Variants in RTN4 observed in about 807,000 individuals in gnomAD.
RTN4 encodes reticulon 4, also known as reticulon-4.
Under a neutral mutation model 90.4 loss-of-function variants are expected in RTN4, and 32 were observed. The observed-to-expected ratio is 0.35, with a 90% CI of 0.27 to 0.48. The LOEUF is 0.48. Ranked by LOEUF, RTN4 falls within the 20% of genes least tolerant of loss-of-function variation. RTN4 has a pLI of 0.99. For missense variants in RTN4, 1,706 were observed against 1,430.2 expected (o/e 1.19, Z -3.11); for synonymous variants, 629 against 552.5 (o/e 1.14, Z -1.94).
chr2:55,028,947 C>T (rs1043313422), intron 1 of RTN4, among the ~76,000 whole-genome samples: 1 of 152,152 alleles, frequency 6.6e-6, no homozygotes, highest in Non-Finnish European at 1.5e-5. Context: ...CTGTATGTTA[C>T]AGAACTGAAT....
intron 5 of RTN4, among the ~76,000 whole-genome samples, chr2:54,977,837 G>A (rs145340816): frequency 1.5e-4 from 23 of 152,194 alleles, no homozygotes; most frequent in African/African-American, 4.1e-4. Flanking sequence ...CAAAACAAAC[G>A]GAATATTACA....
chr2:55,024,247 C>G (rs1329590166), intron 3 of RTN4, among the ~76,000 whole-genome samples: 1 of 152,106 alleles, frequency 6.6e-6, no homozygotes, highest in Non-Finnish European at 1.5e-5. Context: ...CGTCAAACAC[C>G]AAGTCCTATG....
intron 3 of RTN4, among the ~76,000 whole-genome samples, chr2:54,993,819 G>A (rs1679212057): frequency 6.6e-6 from 1 of 152,116 alleles, no homozygotes; most frequent in South Asian, 2.1e-4. Flanking sequence ...TCACACATAA[G>A]ATAATATGAA....
intron 1 of RTN4, among the ~76,000 whole-genome samples, chr2:55,048,916 C>G (rs549269912): frequency 1.3e-5 from 2 of 152,196 alleles, no homozygotes. Context: ...GAGGCTGGGC[C>G]AAGTCCACAC....
upstream of RTN4, among the ~76,000 whole-genome samples, chr2:55,051,417 G>T (rs1237787949): frequency 6.6e-6 from 1 of 152,222 alleles, no homozygotes; most frequent in Non-Finnish European, 1.5e-5. Flanking sequence ...GAGTCAGGAA[G>T]CCCCATAGTC....
At chr2:55,130,567 A>G in the RTN4 span, among the ~76,000 whole-genome samples, 1 of 152,206 alleles carries the variant, frequency 6.6e-6, no homozygotes, top group Admixed American at 6.5e-5. Flanking sequence ...CCGGAACAAC[A>G]AAAAATACAA....
rs186302083 is a variant in RTN4, at chr2:55,107,908, C to T, written c.-214+4612G>A. ...TACAACCTCATCATGCCTTTAGCTA[C>T]ATAGAGACTGGACTTTAAAACACAC... is the stretch of plus-strand genomic sequence containing the variant. On this transcript the variant is annotated intron_variant, in intron 1 of 3. Transcript: ENST00000427710. Among the ~76,000 whole-genome samples the T allele has an allele frequency of 3.0e-3, 455 of 151,952 alleles. 7 individuals carry two copies. Among genetic ancestry groups the T allele is most frequent in the African/African-American group, 0.011 (435 of 41,412 alleles).
intron 3 of RTN4, among the ~76,000 whole-genome samples, chr2:55,021,266 TAA>T (rs1681410263): frequency 6.6e-6 from 1 of 152,118 alleles, no homozygotes; most frequent in South Asian, 2.1e-4. Flanking sequence ...GATACACAGG[TAA>T]GTACCTATCC....
chr2:55,107,027 G>A (rs1368896358), intron 1 of RTN4, among the ~76,000 whole-genome samples: 1 of 152,094 alleles, frequency 6.6e-6, no homozygotes, highest in East Asian at 1.9e-4. Context: ...CCCAGCATTG[G>A]CAGTGTAGCT....
At chr2:55,041,510 C>A (rs1020943054) in intron 1 of RTN4, among the ~76,000 whole-genome samples, 1 of 151,986 alleles carries the variant, frequency 6.6e-6, no homozygotes, top group Non-Finnish European at 1.5e-5. Context: ...TCTGATACTT[C>A]TGTGTGAACT....
chr2:54,996,316 A>G (rs992520179), intron 3 of RTN4, among the ~76,000 whole-genome samples: 9 of 152,238 alleles, frequency 5.9e-5, no homozygotes, highest in African/African-American at 2.2e-4. Context: ...GCTGTCTTTT[A>G]GCGAAAATTG....
At chr2:55,115,641 G>A (rs753905131), upstream of RTN4, among the ~76,000 whole-genome samples, 9 of 152,240 alleles carry the variant, frequency 5.9e-5, no homozygotes, top group Non-Finnish European at 1.3e-4. Context: ...CAAGAAAGCA[G>A]TCTGCTCCCA....
At chr2:55,076,150 T>A (rs944358771) in intron 2 of RTN4, among the ~76,000 whole-genome samples, 3 of 152,056 alleles carry the variant, frequency 2.0e-5, no homozygotes, top group African/African-American at 7.2e-5. Flanking sequence ...AGACAACCCA[T>A]GGAGTGGGAG....
intron 2 of RTN4, among the ~76,000 whole-genome samples, chr2:55,074,422 G>C (rs562430671): frequency 6.6e-6 from 1 of 151,114 alleles, no homozygotes; most frequent in African/African-American, 2.4e-5. Flanking sequence ...AGGACTGCTT[G>C]AGCCCTGGAG....
At chr2:55,013,912 C>T (rs1014234528) in intron 3 of RTN4, among the ~76,000 whole-genome samples, 4 of 152,088 alleles carry the variant, frequency 2.6e-5, no homozygotes, top group African/African-American at 9.7e-5. Flanking sequence ...TTAGAGACTG[C>T]TTATGTACAC....
intron 1 of RTN4, among the ~76,000 whole-genome samples, chr2:55,091,637 G>C (rs115715454): frequency 0.024 from 3,620 of 152,244 alleles, 76 homozygotes; most frequent in South Asian, 0.039. Context: ...GGACCTGCCT[G>C]GGCAATATAG....
chr2:55,095,834 GC>G (rs1271696775), intron 1 of RTN4, among the ~76,000 whole-genome samples: 4 of 152,094 alleles, frequency 2.6e-5, no homozygotes, highest in African/African-American at 9.7e-5. Context: ...GCTTTCTTAG[GC>G]TACTTTTGGC....
chr2:55,031,837 T>C (rs902592401), intron 1 of RTN4, among the ~76,000 whole-genome samples: 3 of 152,162 alleles, frequency 2.0e-5, no homozygotes, highest in African/African-American at 7.2e-5. Context: ...AACTATTTAC[T>C]CTAACTGGCC....
Position 55,080,488 on chromosome 2 carries a change from C to A in RTN4, c.-63+1G>T, listed in dbSNP as rs1165405423. The stretch of plus-strand genomic sequence containing the variant: ...TCACAGAGCAAATTCATACCAGTTA[C>A]CTTGATTCTGTTGTCATATTTCATC... On this transcript the variant is annotated splice_donor_variant, in intron 2 of 3. Transcript: ENST00000427710. LOFTEE classifies it low-confidence loss of function (5UTR_SPLICE). 3 of 152,136 alleles carry A rather than the reference C, an allele frequency of 2.0e-5. No individual in the cohort carries two copies. The highest frequency in any genetic ancestry group is 2.0e-4 in the Admixed American group (3 of 15,260). The allele number at this position is 152,136 out of a possible 1,614,324, so 9.4% of individuals were successfully genotyped here.
Sources: allele counts gnomAD v4.1 joint callset (sites outside exome capture counted in the v4.1 genomes callset), GRCh38; gene constraint gnomAD v4.1.1; transcripts MANE v1.5; gene names NCBI Gene and HGNC (gene_info 2026-07-23, HGNC 2026-07-21).